The following HPF1 variants were observed in gnomAD, a reference collection of about 807,000 sequenced individuals.
HPF1 encodes the protein UPF0609 protein C4orf27.
A neutral mutation model predicts 38.8 loss-of-function variants in HPF1; 35 were observed. The ratio of observed to expected loss-of-function variants is 0.90; its 90% CI spans 0.69 to 1.19. HPF1 has a LOEUF of 1.19. Ranked by LOEUF, HPF1 falls within the 50% of genes most tolerant of loss-of-function variation. The probability of loss-of-function intolerance (pLI) is 0.00; values close to 1 mark genes in which losing one functional copy is unlikely to be tolerated. For missense variants in HPF1, 367 were observed against 405.8 expected (o/e 0.90, Z 0.82); for synonymous variants, 115 against 139.2 (o/e 0.83, Z 1.22).
At chr4:169,733,524 G>T (rs1192647157) in intron 6 of HPF1, among the ~76,000 whole-genome samples, 2 of 152,202 alleles carry the variant, frequency 1.3e-5, no homozygotes, top group Admixed American at 6.5e-5. Flanking sequence ...ACTCAAGAAT[G>T]ATAGGTGATG....
chr4:169,742,115 A>C lies in HPF1; in HGVS notation c.498-8T>G. The stretch of plus-strand genomic sequence containing the variant: ...TTTTTCGTCAAAAATAATCTGAAAA[A>C]GAAGTAAAAGTCCGCATTATGTGGC... On this transcript the variant is annotated splice_polypyrimidine_tract_variant and splice_region_variant and intron_variant, in intron 4 of 7. Coordinates refer to ENST00000393381, the MANE Select transcript of HPF1 (RefSeq NM_017867.3). The C allele has an allele frequency of 2.5e-6, 4 of 1,608,230 alleles. No individual in the cohort carries two copies. The East Asian group carries it at 6.7e-5, about 27-fold the overall frequency.
At chr4:169,743,282 G>C (rs1734002328) in intron 4 of HPF1, among the ~76,000 whole-genome samples, 1 of 151,426 alleles carries the variant, frequency 6.6e-6, no homozygotes, top group Non-Finnish European at 1.5e-5. Flanking sequence ...GCTAATTTTT[G>C]TATTTTTAGT....
Position 169,729,569 on chromosome 4 carries a change from C to A in HPF1, c.*9G>T. ...TTGAAATACTGTACACCAATCAAAG[C>A]CACCTTACTCATGCAGCAAGTTGGT... On this transcript the variant is annotated 3_prime_UTR_variant, in exon 8 of 8. Transcript: ENST00000393381. The A allele has an allele frequency of 6.6e-7, 1 of 1,506,546 alleles. No individual in the cohort carries two copies. The highest frequency in any genetic ancestry group is 8.9e-7 in the Non-Finnish European group (1 of 1,128,034). The allele number at this position is 1,506,546 out of a possible 1,614,324, so 93.3% of individuals were successfully genotyped here.
chr4:169,751,867 ATACAG>A (rs1734123452), intron 2 of HPF1, among the ~76,000 whole-genome samples: 1 of 152,244 alleles, frequency 6.6e-6, no homozygotes, highest in Non-Finnish European at 1.5e-5. Context: ...ATAGTCTATT[ATACAG>A]TAACAAATTT....
At chr4:169,743,482 T>A (rs1734007176) in intron 4 of HPF1, among the ~76,000 whole-genome samples, 1 of 146,166 alleles carries the variant, frequency 6.8e-6, no homozygotes, top group South Asian at 2.2e-4. Flanking sequence ...GGTCGATAGA[T>A]TTTTTTTTTA....
rs552541427 is a variant in HPF1 at position 169,757,841 on chromosome 4, C to G, written c.37G>C (p.Glu13Gln). The G allele has an allele frequency of 3.2e-6, 5 of 1,565,478 alleles. No individual in the cohort carries two copies. The African/African-American group carries it at 6.8e-5, about 21-fold the overall frequency. Residue 13 changes from glutamate to glutamine, a missense_variant, in exon 1 of 8, where the codon GAG becomes CAG. Glu to Gln is a conservative substitution (Grantham distance 29, BLOSUM62 2). Coordinates refer to ENST00000393381, the MANE Select transcript of HPF1 (RefSeq NM_017867.3). ...CTTTCCGGCAGTACCTGCGGCCCCTCTCCGCCGGGCCTGCGCTTCCCGCCA... is the reference window on the plus strand; with the variant it reads ...CTTTCCGGCAGTACCTGCGGCCCCTGTCCGCCGGGCCTGCGCTTCCCGCCA... Reference protein sequence around the residue: ...GGGGKRRPGGEGPQCEKTTDV... With the variant: ...GGGGKRRPGGQGPQCEKTTDV...
chr4:169,732,438 T>C (rs1733842332), intron 6 of HPF1, among the ~76,000 whole-genome samples: 1 of 152,144 alleles, frequency 6.6e-6, no homozygotes, highest in Non-Finnish European at 1.5e-5. Context: ...TGGGCCCAGA[T>C]ACAGTCATGA....
chr4:169,729,712 GAAAAAT>G lies in HPF1; in HGVS notation c.910-9_910-4del, dbSNP rs762671151. On this transcript the variant is annotated splice_polypyrimidine_tract_variant and splice_region_variant and intron_variant, in intron 7 of 7. Transcript: ENST00000393381. ...TGGCCAGCAACTTTATGAAAATACT[GAAAAAT>G]AAAAATATAACATTAAGCAGAGAAT... The G allele has an allele frequency of 1.3e-6, 2 of 1,485,142 alleles. No individual in the cohort carries two copies. The highest frequency in any genetic ancestry group is 2.9e-5 in the South Asian group (2 of 70,158). The allele number at this position is 1,485,142 out of a possible 1,614,324, so 92.0% of individuals were successfully genotyped here. A position where few individuals can be genotyped will look rare whatever the true frequency, so the allele number is the denominator to read the frequency against.
At chr4:169,733,424 G>A (rs1279645418) in intron 6 of HPF1, among the ~76,000 whole-genome samples, 2 of 152,116 alleles carry the variant, frequency 1.3e-5, no homozygotes, top group Non-Finnish European at 1.5e-5. Context: ...GAAAAGAATG[G>A]ATATTATTCA....
At chr4:169,745,144 A>C (rs1734030767) in intron 4 of HPF1, among the ~76,000 whole-genome samples, 1 of 152,162 alleles carries the variant, frequency 6.6e-6, no homozygotes, top group Non-Finnish European at 1.5e-5. Flanking sequence ...AGAACCATGC[A>C]CAGCAACTAC....
intron 2 of HPF1, among the ~76,000 whole-genome samples, chr4:169,752,840 G>A (rs1478466843): frequency 6.6e-6 from 1 of 152,016 alleles, no homozygotes; most frequent in African/African-American, 2.4e-5. Context: ...TATAACTCCT[G>A]CAACACATGA....
intron 6 of HPF1, among the ~76,000 whole-genome samples, chr4:169,736,641 C>A (rs1020034490): frequency 6.6e-6 from 1 of 152,168 alleles, no homozygotes; most frequent in Admixed American, 6.5e-5. Flanking sequence ...TCACAACCCC[C>A]AGAGACTGGT....
rs190487340 is a variant in HPF1 at position 169,757,591 on chromosome 4, G to T, written c.48+239C>A. Among the ~76,000 whole-genome samples, 10 of 152,270 alleles carry T rather than the reference G, an allele frequency of 6.6e-5. No individual in the cohort carries two copies. The East Asian group carries it at 1.9e-3, about 29-fold the overall frequency. On this transcript the variant is annotated intron_variant, in intron 1 of 7. Coordinates refer to ENST00000393381, the MANE Select transcript of HPF1 (RefSeq NM_017867.3). ...AATGAACCATTGGTTGGCTTAATCC[G>T]TTTCCCCAGGAAATGCTCCAAGAGG...
At chr4:169,732,136 GAT>G (rs1491279268) in intron 6 of HPF1, 6 of 230,276 alleles carry the variant, frequency 2.6e-5, no homozygotes, top group Admixed American at 7.5e-5. Flanking sequence ...TTACAGTCAC[GAT>G]TTTTTTTTTT....
intron 7 of HPF1, among the ~76,000 whole-genome samples, chr4:169,730,376 T>C (rs1376310374): frequency 1.3e-5 from 2 of 152,254 alleles, no homozygotes; most frequent in Non-Finnish European, 2.9e-5. Flanking sequence ...TCTACTTATT[T>C]ATGGCTAGGG....
chr4:169,739,173 T>C (rs1165149310), intron 5 of HPF1, among the ~76,000 whole-genome samples: 2 of 152,182 alleles, frequency 1.3e-5, no homozygotes, highest in Admixed American at 1.3e-4. Context: ...TACTCGAAGG[T>C]AAATTTTAAA....
At chr4:169,732,059 T>C in intron 6 of HPF1, 183 bp from the exon 7 acceptor site, 2 of 504,566 alleles carry the variant, frequency 4.0e-6, no homozygotes, top group Non-Finnish European at 7.0e-6. Context: ...ACTTTTCTAC[T>C]TAGGATTCAA....
At chr4:169,741,551 A>G (rs950693081) in intron 5 of HPF1, among the ~76,000 whole-genome samples, 9 of 152,216 alleles carry the variant, frequency 5.9e-5, no homozygotes, top group Non-Finnish European at 1.2e-4. Context: ...AGGAAATGAT[A>G]GGATTAATAA....
chr4:169,745,034 C>T (rs1734028747), intron 4 of HPF1, among the ~76,000 whole-genome samples: 1 of 152,172 alleles, frequency 6.6e-6, no homozygotes, highest in Non-Finnish European at 1.5e-5. Context: ...CAGGCACAAC[C>T]ATGGCTGCGG....
Sources: allele counts gnomAD v4.1 joint callset (sites outside exome capture counted in the v4.1 genomes callset), GRCh38; gene constraint gnomAD v4.1.1; transcripts MANE v1.5; gene names NCBI Gene and HGNC (gene_info 2026-07-23, HGNC 2026-07-21).